The following SRBD1 variants were observed in gnomAD, a reference collection of about 807,000 sequenced individuals.
SRBD1 encodes S1 RNA-binding domain-containing protein 1.
A neutral mutation model predicts 115.3 loss-of-function variants in SRBD1; 88 were observed. That is an observed-to-expected ratio of 0.76 (90% CI 0.64 to 0.91). SRBD1 has a LOEUF of 0.91. SRBD1 is among the 40% of genes least tolerant of loss of function. SRBD1 has a pLI of 0.00. For synonymous variants in SRBD1, 509 were observed against 407.7 expected, an observed-to-expected ratio of 1.25 and a Z score of -2.99; for missense variants, 1,385 against 1,177.4, an observed-to-expected ratio of 1.18 and a Z score of -2.58.
rs1424960199 is a variant in SRBD1, at chr2:45,559,530, A to G, written c.1409+3123T>C. On this transcript the variant is annotated intron_variant, in intron 10 of 20. Transcript: ENST00000263736. ...GTTCTCATTAAACTACGCTGTCATC[A>G]TGGATAAGCAGTATATCTGTCTAAT... Among the ~76,000 whole-genome samples, 3 of 152,208 alleles carry G rather than the reference A, an allele frequency of 2.0e-5. No individual in the cohort carries two copies. In the East Asian group the frequency reaches 5.8e-4, roughly 29 times the overall value.
Position 45,389,200 on chromosome 2 carries a change from T to C in SRBD1, c.*110A>G, listed in dbSNP as rs1473895547. Reference sequence around the variant, plus strand: ...AAGTGTTTGGAAAATATTTCTGATATTAAGTGAATTATTTCTCATCTGCTA... The same window carrying C: ...AAGTGTTTGGAAAATATTTCTGATACTAAGTGAATTATTTCTCATCTGCTA... On this transcript the variant is annotated 3_prime_UTR_variant, in exon 21 of 21. Transcript: ENST00000263736. 1.6e-6 allele frequency: 2 copies of C among 1,228,730 alleles called. No homozygotes were observed. The highest frequency in any genetic ancestry group is 2.3e-6 in the Non-Finnish European group (2 of 887,440). 76.1% of individuals were successfully genotyped at this position (1,228,730 alleles called of 1,614,324 possible).
chr2:45,593,258 T>C lies in SRBD1; in HGVS notation c.648+6191A>G, dbSNP rs980646772. Among the ~76,000 whole-genome samples, 19 of 152,192 alleles carry C rather than the reference T, an allele frequency of 1.2e-4. 1 individual carries two copies. The highest frequency in any genetic ancestry group is 1.2e-3 in the Admixed American group (18 of 15,284). On this transcript the variant is annotated intron_variant, in intron 4 of 20. Coordinates refer to ENST00000263736, the MANE Select transcript of SRBD1 (RefSeq NM_018079.5). ...GAAAGGTACTTTATTGTTCCCATTT[T>C]ATAAATGCAAAAACTGAGGGCCGAA...
At chr2:45,412,104 AAAAAC>A (rs767066660) in intron 19 of SRBD1, among the ~76,000 whole-genome samples, 9 of 152,128 alleles carry the variant, frequency 5.9e-5, no homozygotes, top group African/African-American at 7.2e-5. Context: ...ATCTTGTCTC[AAAAAC>A]AAAACAAAAC....
chr2:45,550,319 G>C (rs532423412), intron 12 of SRBD1, among the ~76,000 whole-genome samples: 1 of 152,082 alleles, frequency 6.6e-6, no homozygotes, highest in South Asian at 2.1e-4. Flanking sequence ...AATTCATGCA[G>C]AAAAGAAAAG....
intron 14 of SRBD1, among the ~76,000 whole-genome samples, chr2:45,493,002 C>T (rs1194847528): frequency 1.3e-5 from 2 of 152,306 alleles, no homozygotes; most frequent in East Asian, 3.9e-4. Flanking sequence ...CTGACTGATA[C>T]CTTTTTAATT....
chr2:45,404,100 G>C (rs1183249182), intron 19 of SRBD1, among the ~76,000 whole-genome samples: 1 of 152,118 alleles, frequency 6.6e-6, no homozygotes, highest in Non-Finnish European at 1.5e-5. Flanking sequence ...AAGCATAAAG[G>C]TTGTTCAAGG....
At chr2:45,408,569 C>A (rs559369027) in intron 19 of SRBD1, among the ~76,000 whole-genome samples, 1 of 152,122 alleles carries the variant, frequency 6.6e-6, no homozygotes, top group South Asian at 2.1e-4. Flanking sequence ...CACATCAAAG[C>A]TGGCAAAAAA....
chr2:45,566,317 G>A (rs1672828480), intron 9 of SRBD1, among the ~76,000 whole-genome samples: 1 of 152,188 alleles, frequency 6.6e-6, no homozygotes, highest in Non-Finnish European at 1.5e-5. Context: ...ACTATTCACT[G>A]ACTGATGAAT....
chr2:45,393,805 G>A (rs908422943), intron 19 of SRBD1, among the ~76,000 whole-genome samples: 1 of 152,176 alleles, frequency 6.6e-6, no homozygotes, highest in African/African-American at 2.4e-5. Context: ...ATAGGCAAAC[G>A]ATGAAATGAT....
chr2:45,451,635 A>G (rs1668999236), intron 16 of SRBD1, among the ~76,000 whole-genome samples: 1 of 151,972 alleles, frequency 6.6e-6, no homozygotes, highest in Non-Finnish European at 1.5e-5. Context: ...AGAATTTTAA[A>G]ATTGTTCCAC....
intron 14 of SRBD1, among the ~76,000 whole-genome samples, chr2:45,526,102 T>C (rs977530278): frequency 3.3e-5 from 5 of 151,948 alleles, no homozygotes; most frequent in African/African-American, 1.2e-4. Context: ...TACTTTTAGG[T>C]GTATACCTAA....
intron 4 of SRBD1, among the ~76,000 whole-genome samples, chr2:45,592,112 C>T (rs1673744993): frequency 6.6e-6 from 1 of 152,176 alleles, no homozygotes; most frequent in South Asian, 2.1e-4. Flanking sequence ...GCTTCTTCCT[C>T]ATTTTCTCTT....
At chr2:45,422,465 A>C (rs1668034022) in intron 16 of SRBD1, among the ~76,000 whole-genome samples, 1 of 152,240 alleles carries the variant, frequency 6.6e-6, no homozygotes, top group Non-Finnish European at 1.5e-5. Context: ...AAATTAAATC[A>C]GTGATTTGCC....
At chr2:45,392,777 A>G (rs1667039152) in intron 20 of SRBD1, among the ~76,000 whole-genome samples, 168 bp downstream of exon 20, 1 of 152,224 alleles carries the variant, frequency 6.6e-6, no homozygotes, top group African/African-American at 2.4e-5. Flanking sequence ...GGCTCTGGAT[A>G]TTAATTATAA....
At chr2:45,454,544 T>C (rs939054276) in intron 16 of SRBD1, among the ~76,000 whole-genome samples, 2 of 151,818 alleles carry the variant, frequency 1.3e-5, no homozygotes, top group Admixed American at 1.3e-4. Context: ...ATCAATCTAA[T>C]TGTCCAACAA....
intron 3 of SRBD1, among the ~76,000 whole-genome samples, chr2:45,600,039 T>A (rs565149020): frequency 6.6e-6 from 1 of 152,256 alleles, no homozygotes; most frequent in South Asian, 2.1e-4. Flanking sequence ...CCTGAAGAGA[T>A]TAGAGGTTGG....
chr2:45,413,086 A>G (rs758329467), intron 19 of SRBD1, 28 bp downstream of exon 19: 4 of 1,597,078 alleles, frequency 2.5e-6, no homozygotes, highest in Non-Finnish European at 1.7e-6. Context: ...CTGCATATGG[A>G]GAATTCCCAC....
chr2:45,532,715 A>G (rs560226600), intron 14 of SRBD1, among the ~76,000 whole-genome samples: 5 of 151,886 alleles, frequency 3.3e-5, no homozygotes, highest in Admixed American at 3.3e-4. Flanking sequence ...GATGTGGGGA[A>G]CTTAAAAGAG....
chr2:45,602,188 T>C, intron 2 of SRBD1, 105 bp from the exon 3 acceptor site: 2 of 1,304,450 alleles, frequency 1.5e-6, no homozygotes, highest in Non-Finnish European at 2.1e-6. Flanking sequence ...AGGAGGTGTT[T>C]AATATAAAAT....
Sources: allele counts gnomAD v4.1 joint callset (sites outside exome capture counted in the v4.1 genomes callset), GRCh38; gene constraint gnomAD v4.1.1; transcripts MANE v1.5; gene names NCBI Gene and HGNC (gene_info 2026-07-23, HGNC 2026-07-21).